The following EFHB variants were observed in gnomAD, a reference collection of about 807,000 sequenced individuals.
EFHB encodes EF-hand domain-containing family member B.
In EFHB, 91 loss-of-function variants were observed where a neutral mutation model predicts 87.2. The ratio of observed to expected loss-of-function variants is 1.04; its 90% confidence interval spans 0.88 to 1.24. The LOEUF is 1.24. Ranked by LOEUF, EFHB falls within the 50% of genes most tolerant of loss-of-function variation. The probability of loss-of-function intolerance (pLI) is 0.00; values close to 1 mark genes in which losing one functional copy is unlikely to be tolerated. For synonymous variants in EFHB, 325 were observed against 333.6 expected (o/e 0.97, Z 0.28); for missense variants, 1,084 against 998.8 (o/e 1.09, Z -1.15).
intron 1 of EFHB, among the ~76,000 whole-genome samples, chr3:19,944,658 T>C (rs1447864012): frequency 2.6e-5 from 4 of 152,196 alleles, no homozygotes; most frequent in African/African-American, 9.7e-5. Context: ...GTGAAAAGTA[T>C]TCATGAAGGA....
chr3:19,926,820 C>T (rs1575043578), intron 1 of EFHB, among the ~76,000 whole-genome samples: 1 of 151,996 alleles, frequency 6.6e-6, no homozygotes, highest in South Asian at 2.1e-4. Context: ...GTCACCACAC[C>T]CGGCTAATTT....
intron 6 of EFHB, among the ~76,000 whole-genome samples, chr3:19,902,317 C>T (rs1482078651): frequency 6.6e-6 from 1 of 152,038 alleles, no homozygotes; most frequent in East Asian, 1.9e-4. Context: ...AGGTCACAGG[C>T]AAAATATAGA....
chr3:19,905,972 T>C (rs935450922), intron 5 of EFHB, among the ~76,000 whole-genome samples: 1 of 152,176 alleles, frequency 6.6e-6, no homozygotes, highest in African/African-American at 2.4e-5. Flanking sequence ...GTTGTGTTAA[T>C]ATTTGAAAAG....
Position 19,933,463 on chromosome 3 carries a change from T to C in EFHB, c.556A>G (p.Ile186Val), listed in dbSNP as rs560171193. 72 of 1,614,026 alleles carry C rather than the reference T, an allele frequency of 4.5e-5. No homozygotes were observed. The South Asian group carries it at 7.6e-4, about 17-fold the overall frequency. Reference protein sequence around the residue: ...TCVLMKPNTEIKLPVEVDIGL... With the variant: ...TCVLMKPNTEVKLPVEVDIGL... The stretch of plus-strand genomic sequence containing the variant: ...ATGTCCACCTCCACAGGAAGCTTAA[T>C]CTCTGTGTTGGGTTTCATTAAAACA... The change falls in exon 1 of 13, where the codon ATT (isoleucine) becomes GTT (valine). Residue 186 changes from isoleucine (I) to valine (V), a missense_variant. Ile to Val is a conservative substitution (Grantham distance 29). Transcript: ENST00000295824.
upstream of EFHB, among the ~76,000 whole-genome samples, chr3:19,938,062 T>C (rs953872799): frequency 3.9e-5 from 6 of 152,224 alleles, no homozygotes; most frequent in Non-Finnish European, 7.3e-5. Context: ...CTAACATTTA[T>C]GTGTTCTTCC....
At position 19,882,609 on chromosome 3, in the gene EFHB, T is replaced by C; in HGVS notation, c.2269A>G (p.Ile757Val). The C allele has an allele frequency of 6.2e-7, 1 of 1,612,558 alleles. No homozygotes were observed. Among genetic ancestry groups the C allele is most frequent in the Non-Finnish European group, 8.5e-7 (1 of 1,179,060 alleles). The change falls in exon 12 of 13, where the codon ATT becomes GTT. Residue 757 changes from isoleucine (I) to valine (V), a missense_variant. Coordinates refer to ENST00000295824, the MANE Select transcript of EFHB (RefSeq NM_144715.4). ...TCAAACACTCCTTTCCGGGCAAAAA[T>C]GGTAGGATATAGTAGTGAATATGCA... is the stretch of plus-strand genomic sequence containing the variant. ...GSAYSLLYPT[I>V]FARKGVFERD... is the part of the protein sequence containing the mutation.
At chr3:19,900,672 T>C (rs1221251537) in intron 6 of EFHB, among the ~76,000 whole-genome samples, 1 of 152,166 alleles carries the variant, frequency 6.6e-6, no homozygotes, top group African/African-American at 2.4e-5. Context: ...CTCATACCTG[T>C]AATCCCACCA....
intron 6 of EFHB, among the ~76,000 whole-genome samples, chr3:19,900,613 A>G (rs1435498279): frequency 1.3e-5 from 2 of 152,216 alleles, no homozygotes; most frequent in East Asian, 1.9e-4. Context: ...TAATAATGAT[A>G]TAATCCAGAT....
chr3:19,906,943 C>G (rs543938772), intron 5 of EFHB, among the ~76,000 whole-genome samples: 6 of 151,554 alleles, frequency 4.0e-5, no homozygotes, highest in Middle Eastern at 3.4e-3. Flanking sequence ...ACAAGGGCAG[C>G]AAGAAGAAAT....
chr3:19,931,335 G>A (rs71316238), intron 1 of EFHB, among the ~76,000 whole-genome samples: 10,149 of 152,258 alleles, frequency 0.067, 424 homozygotes, highest in Non-Finnish European at 0.091. Flanking sequence ...TATGCGAAGT[G>A]GGAGGAAGCA....
chr3:19,880,520 G>C (rs1474730572), intron 12 of EFHB, among the ~76,000 whole-genome samples: 1 of 152,130 alleles, frequency 6.6e-6, no homozygotes, highest in Non-Finnish European at 1.5e-5. Context: ...CCAAAGTGCT[G>C]GGATTACAGG....
At chr3:19,926,549 G>A (rs1011873170) in intron 1 of EFHB, among the ~76,000 whole-genome samples, 3 of 152,016 alleles carry the variant, frequency 2.0e-5, no homozygotes, top group Admixed American at 1.3e-4. Context: ...ATTTTTAGTA[G>A]AGACGGGGCT....
In EFHB at chr3:19,933,457, G is replaced by C. The variant is rs763709889; in HGVS notation, c.562C>G (p.Leu188Val). ...VLMKPNTEIK[L>V]PVEVDIGLTQ... The stretch of plus-strand genomic sequence containing the variant: ...AGTCCAATGTCCACCTCCACAGGAA[G>C]CTTAATCTCTGTGTTGGGTTTCATT... The change falls in exon 1 of 13, where the codon CTT becomes GTT. Residue 188 changes from leucine to valine, a missense_variant. By Grantham distance (32) the Leu-to-Val change is conservative. Transcript: ENST00000295824. The C allele has an allele frequency of 1.2e-5, 20 of 1,614,010 alleles. No individual in the cohort carries two copies. The highest frequency in any genetic ancestry group is 1.7e-5 in the Non-Finnish European group (20 of 1,179,888).
chr3:19,929,980 A>T (rs546289661), intron 1 of EFHB, among the ~76,000 whole-genome samples: 1 of 152,268 alleles, frequency 6.6e-6, no homozygotes, highest in South Asian at 2.1e-4. Context: ...GAATTACCTA[A>T]ATTTGCTTCC....
chr3:19,890,323 G>A (rs935975155), intron 9 of EFHB, among the ~76,000 whole-genome samples: 2 of 152,160 alleles, frequency 1.3e-5, no homozygotes, highest in Admixed American at 1.3e-4. Context: ...ATGATTAGAA[G>A]TAGGACCAAG....
intron 1 of EFHB, among the ~76,000 whole-genome samples, chr3:19,946,482 A>G (rs1402875557): frequency 6.6e-6 from 1 of 152,270 alleles, no homozygotes; most frequent in African/African-American, 2.4e-5. Flanking sequence ...AATAAAAGGC[A>G]GACACTATTT....
intron 9 of EFHB, among the ~76,000 whole-genome samples, chr3:19,894,320 A>T (rs1364451437): frequency 6.6e-6 from 1 of 152,184 alleles, no homozygotes; most frequent in Non-Finnish European, 1.5e-5. Context: ...TGCAAATTTA[A>T]CAGTATGCTC....
chr3:19,905,276 G>A (rs1694802978), intron 6 of EFHB, among the ~76,000 whole-genome samples: 1 of 152,038 alleles, frequency 6.6e-6, no homozygotes, highest in African/African-American at 2.4e-5. Context: ...TAAATTTCAA[G>A]TCAATTACAA....
chr3:19,889,904 T>C (rs535608145), intron 9 of EFHB, among the ~76,000 whole-genome samples: 1 of 152,264 alleles, frequency 6.6e-6, no homozygotes, highest in Admixed American at 6.5e-5. Flanking sequence ...GGAGAATCGC[T>C]TGAATCCAGG....
Sources: allele counts gnomAD v4.1 joint callset (sites outside exome capture counted in the v4.1 genomes callset), GRCh38; gene constraint gnomAD v4.1.1; transcripts MANE v1.5; gene names NCBI Gene and HGNC (gene_info 2026-07-23, HGNC 2026-07-21).